UCK2: variants seen among roughly 807,000 people sequenced by gnomAD.
UCK2 encodes cytidine monophosphokinase 2.
UCK2 carries 6 observed loss-of-function variants against 30.8 expected under a neutral mutation model. That is an observed-to-expected ratio of 0.19 (90% CI 0.11 to 0.38). UCK2 has a LOEUF of 0.38. Ranked by LOEUF, UCK2 falls within the 10% of genes least tolerant of loss-of-function variation. The pLI, the probability that UCK2 is intolerant of heterozygous loss-of-function variation, is 1.00. For missense variants in UCK2, 210 were observed against 339.8 expected (o/e 0.62, Z 3.00); for synonymous variants, 125 against 133.6 (o/e 0.94, Z 0.45).
chr1:165,855,931 T>C (rs1404504035), intron 1 of UCK2, among the ~76,000 whole-genome samples: 3 of 152,142 alleles, frequency 2.0e-5, no homozygotes, highest in African/African-American at 7.2e-5. Flanking sequence ...CTGGTGCAGA[T>C]TGACTAACCT....
intron 3 of UCK2, chr1:165,892,604 T>A (rs1655798488): frequency 6.6e-6 from 1 of 152,258 alleles, no homozygotes; most frequent in Admixed American, 6.5e-5. Flanking sequence ...GGGCAAGGGA[T>A]TCTGAGAATT....
At chr1:165,853,187 C>T (rs1361432820) in intron 1 of UCK2, among the ~76,000 whole-genome samples, 1 of 152,134 alleles carries the variant, frequency 6.6e-6, no homozygotes, top group Non-Finnish European at 1.5e-5. Flanking sequence ...AAGAGCTGAA[C>T]CTACTGATGA....
chr1:165,903,161 T>C lies in UCK2; in HGVS notation c.500-21T>C, dbSNP rs763991904. ...TGGCTCCTACACCGTTTTTTGATTC[T>C]TGTTTTCCCTTCTCTTACAGTATTA... On this transcript the variant is annotated intron_variant, in intron 4 of 6. Coordinates refer to ENST00000367879, the MANE Select transcript of UCK2 (RefSeq NM_012474.5). 4 of 1,604,776 alleles carry C rather than the reference T, an allele frequency of 2.5e-6. No homozygotes were observed. In the Admixed American group the frequency reaches 5.0e-5, roughly 20 times the overall value.
intron 1 of UCK2, among the ~76,000 whole-genome samples, chr1:165,848,418 G>A (rs1367109771): frequency 1.3e-5 from 2 of 152,158 alleles, no homozygotes; most frequent in African/African-American, 4.8e-5. Flanking sequence ...GACTGCTTGA[G>A]GCCAGGAGTT....
chr1:165,883,323 C>T (rs955828830), intron 1 of UCK2, among the ~76,000 whole-genome samples: 1 of 152,170 alleles, frequency 6.6e-6, no homozygotes, highest in African/African-American at 2.4e-5. Flanking sequence ...AAAATGCAGT[C>T]TGTGTGCCCA....
chr1:165,854,582 T>G (rs1018897309), intron 1 of UCK2, among the ~76,000 whole-genome samples: 12 of 150,100 alleles, frequency 8.0e-5, no homozygotes, highest in African/African-American at 3.0e-4. Context: ...CATTGCTAAC[T>G]AGGCTTCCTT....
chr1:165,898,850 C>T (rs1011578922), intron 4 of UCK2, among the ~76,000 whole-genome samples: 1 of 152,204 alleles, frequency 6.6e-6, no homozygotes, highest in Admixed American at 6.5e-5. Context: ...TCTGAACAGG[C>T]TGCCTGGGCA....
chr1:165,858,671 AG>A (rs74899281), intron 1 of UCK2, among the ~76,000 whole-genome samples: 2,883 of 152,238 alleles, frequency 0.019, 43 homozygotes, highest in African/African-American at 0.043. Context: ...CCCTTAGCCC[AG>A]GAGAGGCCCC....
intron 1 of UCK2, among the ~76,000 whole-genome samples, chr1:165,888,658 T>C (rs1655685115): frequency 7.1e-6 from 1 of 141,732 alleles, no homozygotes; most frequent in African/African-American, 2.6e-5. Context: ...TTTTTTTTTT[T>C]TTTTTTTTGA....
At chr1:165,879,545 TTTA>T (rs59350667) in intron 1 of UCK2, among the ~76,000 whole-genome samples, 33 of 146,870 alleles carry the variant, frequency 2.2e-4, no homozygotes, top group African/African-American at 3.5e-4. Flanking sequence ...ATGTTTGCTT[TTTA>T]TTATTATTAT....
chr1:165,843,300 G>A (rs1654374847), intron 1 of UCK2, among the ~76,000 whole-genome samples: 1 of 151,808 alleles, frequency 6.6e-6, no homozygotes, highest in Non-Finnish European at 1.5e-5. Flanking sequence ...TCATTCTCAT[G>A]TCAGAATTTA....
intron 1 of UCK2, among the ~76,000 whole-genome samples, chr1:165,856,123 A>G (rs1005255209): frequency 4.6e-5 from 7 of 152,232 alleles, no homozygotes; most frequent in African/African-American, 1.2e-4. Context: ...ATATCTGTAT[A>G]TATAAAAAAC....
chr1:165,838,730 T>C (rs576761152), intron 1 of UCK2, among the ~76,000 whole-genome samples: 2 of 151,710 alleles, frequency 1.3e-5, no homozygotes, highest in South Asian at 4.2e-4. Context: ...GCTAGATGGC[T>C]TAGGTGCCTG....
intron 1 of UCK2, among the ~76,000 whole-genome samples, chr1:165,847,490 AT>A (rs1237768077): frequency 6.6e-6 from 1 of 152,070 alleles, no homozygotes; most frequent in African/African-American, 2.4e-5. Context: ...TCCTCTAGCT[AT>A]TTCTTTTATC....
chr1:165,896,152 T>G, intron 3 of UCK2, 38 bp from the exon 4 acceptor site: 1 of 1,612,714 alleles, frequency 6.2e-7, no homozygotes, highest in Non-Finnish European at 8.5e-7. Flanking sequence ...TGCTAGCCCC[T>G]GCCTGGCTTG....
At chr1:165,844,258 C>T (rs1024224503) in intron 1 of UCK2, among the ~76,000 whole-genome samples, 10 of 152,210 alleles carry the variant, frequency 6.6e-5, no homozygotes, top group Non-Finnish European at 2.9e-5. Flanking sequence ...GCACCTAGAA[C>T]GGCTCCCTCC....
chr1:165,836,450 T>C (rs982950499), intron 1 of UCK2, among the ~76,000 whole-genome samples: 2 of 152,212 alleles, frequency 1.3e-5, no homozygotes, highest in Non-Finnish European at 2.9e-5. Flanking sequence ...AATATTGTTA[T>C]ATGAAGGTCA....
chr1:165,852,284 A>T (rs532425067), intron 1 of UCK2, among the ~76,000 whole-genome samples: 10 of 152,342 alleles, frequency 6.6e-5, no homozygotes, highest in Middle Eastern at 3.4e-3. Context: ...TGAACAGGCA[A>T]CCTATAGAAT....
At chr1:165,903,160 C>G (rs1262405830) in intron 4 of UCK2, 22 bp from the exon 5 acceptor site, 2 of 1,600,992 alleles carry the variant, frequency 1.2e-6, no homozygotes, top group Admixed American at 1.7e-5. Context: ...TTTTTTGATT[C>G]TTGTTTTCCC....
Sources: gnomAD v4.1 joint callset for allele counts (sites outside exome capture counted in the v4.1 genomes callset) on GRCh38, gnomAD v4.1.1 for gene constraint, MANE v1.5 for transcripts, NCBI Gene and HGNC (gene_info 2026-07-23, HGNC 2026-07-21) for gene names.